ANKS1B: variants seen among roughly 807,000 people sequenced by gnomAD.
ANKS1B encodes ankyrin repeat and sterile alpha motif domain containing 1B.
ANKS1B carries 36 observed loss-of-function variants against 148.3 expected under a neutral mutation model. The observed-to-expected ratio is 0.24, with a 90% CI of 0.19 to 0.32. The LOEUF is 0.32. ANKS1B is among the 10% of genes least tolerant of loss of function. ANKS1B has a pLI of 1.00. For missense variants in ANKS1B, 1,157 were observed against 1,542.6 expected (o/e 0.75, Z 4.19); for synonymous variants, 542 against 560.8 (o/e 0.97, Z 0.47).
In ANKS1B at chr12:98,992,719, T is replaced by C. The variant is rs565256177; in HGVS notation, c.2778+60438A>G. On this transcript the variant is annotated intron_variant, in intron 17 of 26. Transcript: ENST00000683438. ...ACACCCTCCTTAATGAGAACTTCCT[T>C]GGTGACCCAAACTGAAATACTGCTT... Among the ~76,000 whole-genome samples, 5 of 152,316 alleles carry C rather than the reference T, an allele frequency of 3.3e-5. No homozygotes were observed. The East Asian group carries it at 9.6e-4, about 29-fold the overall frequency.
At chr12:99,782,167 G>A (rs2064402763) in intron 4 of ANKS1B, 70 bp from the exon 5 acceptor site, 2 of 1,259,308 alleles carry the variant, frequency 1.6e-6, no homozygotes, top group Non-Finnish European at 1.1e-6. Flanking sequence ...GAAATAAAAT[G>A]CTCACATTTT....
At chr12:99,148,017 A>T (rs574253078) in intron 15 of ANKS1B, among the ~76,000 whole-genome samples, 1 of 152,204 alleles carries the variant, frequency 6.6e-6, no homozygotes, top group South Asian at 2.1e-4. Flanking sequence ...TTATAGGGTT[A>T]AGGAAGTGGT....
intron 9 of ANKS1B, among the ~76,000 whole-genome samples, chr12:99,514,978 C>CT (rs2096801726): frequency 1.3e-5 from 2 of 150,836 alleles, no homozygotes; most frequent in Admixed American, 1.3e-4. Context: ...GTAGTTTTTG[C>CT]TTTTTTCTTG....
chr12:99,358,407 G>C (rs931422622), intron 12 of ANKS1B, among the ~76,000 whole-genome samples: 2 of 151,878 alleles, frequency 1.3e-5, no homozygotes, highest in African/African-American at 4.8e-5. Context: ...ACATGTTGAT[G>C]CTTCCCCTAT....
intron 17 of ANKS1B, among the ~76,000 whole-genome samples, chr12:99,046,575 G>A (rs1339979949): frequency 4.6e-5 from 7 of 151,974 alleles, no homozygotes; most frequent in African/African-American, 9.7e-5. Flanking sequence ...CGAGGCAGGC[G>A]GATCACAAGG....
chr12:99,290,002 G>C (rs184988149), intron 12 of ANKS1B, among the ~76,000 whole-genome samples: 1 of 150,892 alleles, frequency 6.6e-6, no homozygotes, highest in East Asian at 1.9e-4. Flanking sequence ...TTTTTGAAAA[G>C]ATAAACAAAA....
intron 1 of ANKS1B, among the ~76,000 whole-genome samples, chr12:99,887,955 G>A (rs1208357893): frequency 6.6e-6 from 1 of 152,182 alleles, no homozygotes; most frequent in African/African-American, 2.4e-5. Flanking sequence ...AGTATGACCT[G>A]TCTGTAGTTT....
At chr12:98,771,141 G>T (rs1240095806) in intron 25 of ANKS1B, among the ~76,000 whole-genome samples, 1 of 152,146 alleles carries the variant, frequency 6.6e-6, no homozygotes, top group Non-Finnish European at 1.5e-5. Context: ...ATAAATGGAA[G>T]TGGTGTAATC....
chr12:99,138,014 T>C (rs1430740782), intron 15 of ANKS1B, among the ~76,000 whole-genome samples: 1 of 152,198 alleles, frequency 6.6e-6, no homozygotes, highest in Non-Finnish European at 1.5e-5. Flanking sequence ...TAGTGGTGCC[T>C]GAAATGTAAG....
intron 6 of ANKS1B, among the ~76,000 whole-genome samples, chr12:99,777,517 T>C (rs911452643): frequency 6.6e-6 from 1 of 152,216 alleles, no homozygotes; most frequent in Admixed American, 6.5e-5. Context: ...GTGGGTGACA[T>C]TTATTTTGCT....
rs780102281 is a variant in ANKS1B, at chr12:99,191,223, T to C, written c.2420-36828A>G. Among the ~76,000 whole-genome samples the C allele has an allele frequency of 2.3e-4, 35 of 152,240 alleles. No individual in the cohort carries two copies. The Middle Eastern group carries it at 0.01, about 44-fold the overall frequency. The stretch of plus-strand genomic sequence containing the variant: ...AGATGCTGGAGAGGATACGGAGAAA[T>C]AGGAATGCTTTTATACTGTTGGTGG... On this transcript the variant is annotated intron_variant, in intron 14 of 26. Coordinates refer to ENST00000683438, the MANE Select transcript of ANKS1B (RefSeq NM_001352186.2).
chr12:99,439,485 T>C (rs904537449), intron 11 of ANKS1B, among the ~76,000 whole-genome samples: 1 of 150,404 alleles, frequency 6.6e-6, no homozygotes, highest in African/African-American at 2.4e-5. Flanking sequence ...TGAACACCCC[T>C]AAAAAAAAGA....
intron 9 of ANKS1B, among the ~76,000 whole-genome samples, chr12:99,577,178 G>GT (rs904929636): frequency 6.6e-5 from 10 of 151,408 alleles, no homozygotes; most frequent in South Asian, 2.1e-4. Flanking sequence ...CTTTCTCTGA[G>GT]TTTTTTTTAC....
chr12:99,505,773 A>G (rs1718098541), intron 9 of ANKS1B, among the ~76,000 whole-genome samples: 1 of 151,828 alleles, frequency 6.6e-6, no homozygotes, highest in South Asian at 2.1e-4. Context: ...ACAATTAATC[A>G]TATTTTATTT....
At chr12:99,277,907 T>C (rs970967227) in intron 12 of ANKS1B, among the ~76,000 whole-genome samples, 1 of 152,230 alleles carries the variant, frequency 6.6e-6, no homozygotes, top group Non-Finnish European at 1.5e-5. Context: ...TTGTCTTTCC[T>C]ATTCAGGAGA....
At chr12:99,512,993 T>G (rs2096781668) in intron 9 of ANKS1B, among the ~76,000 whole-genome samples, 1 of 151,712 alleles carries the variant, frequency 6.6e-6, no homozygotes, top group Non-Finnish European at 1.5e-5. Context: ...CAAACCACCA[T>G]GGCACACGTT....
intron 11 of ANKS1B, among the ~76,000 whole-genome samples, chr12:99,423,955 T>C (rs2095175705): frequency 6.6e-6 from 1 of 152,114 alleles, no homozygotes; most frequent in Non-Finnish European, 1.5e-5. Context: ...TTTACCTATA[T>C]AACAAACCTG....
chr12:98,902,546 T>C (rs1596560611), intron 17 of ANKS1B, among the ~76,000 whole-genome samples: 1 of 152,192 alleles, frequency 6.6e-6, no homozygotes, highest in African/African-American at 2.4e-5. Flanking sequence ...TAGAGACTCA[T>C]ACTTGGAGTC....
chr12:99,286,961 G>T (rs1392018154), intron 12 of ANKS1B, among the ~76,000 whole-genome samples: 1 of 152,090 alleles, frequency 6.6e-6, no homozygotes, highest in Non-Finnish European at 1.5e-5. Context: ...TCCCACTCTG[G>T]GCCAGGGGGG....
Sources: allele counts gnomAD v4.1 joint callset (sites outside exome capture counted in the v4.1 genomes callset), GRCh38; gene constraint gnomAD v4.1.1; transcripts MANE v1.5; gene names NCBI Gene and HGNC (gene_info 2026-07-23, HGNC 2026-07-21).